Variants in MEGF9 observed in about 807,000 individuals in gnomAD.
MEGF9 encodes the protein multiple EGF like domains 9.
MEGF9 carries 6 observed loss-of-function variants against 46.8 expected under a neutral mutation model. That is an observed-to-expected ratio of 0.13 (90% CI 0.07 to 0.25). MEGF9 has a LOEUF of 0.25. MEGF9 is among the 10% of genes least tolerant of loss of function. MEGF9 has a pLI of 1.00. For synonymous variants in MEGF9, 302 were observed against 330.7 expected, an observed-to-expected ratio of 0.91 and a Z score of 0.94; for missense variants, 683 against 792.4, an observed-to-expected ratio of 0.86 and a Z score of 1.66.
At chr9:120,632,622 T>C (rs183820043) in intron 2 of MEGF9, among the ~76,000 whole-genome samples, 2 of 152,308 alleles carry the variant, frequency 1.3e-5, no homozygotes, top group Admixed American at 1.3e-4. Flanking sequence ...CTAGCACTTC[T>C]GGTATTATGT....
intron 2 of MEGF9, among the ~76,000 whole-genome samples, chr9:120,634,547 T>TG (rs1192025642): frequency 1.6e-5 from 2 of 124,230 alleles, no homozygotes; most frequent in African/African-American, 4.2e-5. Context: ...CTCCGCCCCC[T>TG]GGGGTTCACG....
chr9:120,676,023 T>C (rs1383076184), intron 1 of MEGF9, among the ~76,000 whole-genome samples: 4 of 152,186 alleles, frequency 2.6e-5, no homozygotes, highest in South Asian at 2.1e-4. Flanking sequence ...TAGTTACTAA[T>C]GTTTCCACCT....
intron 2 of MEGF9, among the ~76,000 whole-genome samples, chr9:120,627,769 T>C (rs1279826260): frequency 1.3e-5 from 2 of 152,274 alleles, no homozygotes; most frequent in Middle Eastern, 3.4e-3. Context: ...AGCCCATAGT[T>C]CTAATTAGAG....
chr9:120,653,404 C>T (rs2043662584), intron 2 of MEGF9, among the ~76,000 whole-genome samples: 1 of 150,234 alleles, frequency 6.7e-6, no homozygotes, highest in African/African-American at 2.4e-5. Flanking sequence ...CAGGGTCTCA[C>T]TCTGTTGCCC....
intron 2 of MEGF9, among the ~76,000 whole-genome samples, chr9:120,636,475 G>C (rs2043574907): frequency 6.6e-6 from 1 of 152,158 alleles, no homozygotes. Context: ...TACTCAAAAA[G>C]AGTACTGCTT....
intron 1 of MEGF9, among the ~76,000 whole-genome samples, chr9:120,701,493 G>A (rs547466870): frequency 6.6e-6 from 1 of 152,184 alleles, no homozygotes; most frequent in Admixed American, 6.5e-5. Flanking sequence ...TTCCCTTAAT[G>A]CTTAGCTGTC....
chr9:120,653,881 G>C (rs2043664749), intron 2 of MEGF9, among the ~76,000 whole-genome samples: 1 of 152,200 alleles, frequency 6.6e-6, no homozygotes, highest in African/African-American at 2.4e-5. Context: ...CTCATCTATA[G>C]ATACTGCAAT....
chr9:120,660,464 T>G (rs2043697057), intron 1 of MEGF9, among the ~76,000 whole-genome samples: 1 of 152,336 alleles, frequency 6.6e-6, no homozygotes, highest in Non-Finnish European at 1.5e-5. Flanking sequence ...CATAAATTAC[T>G]AAATTATTGA....
chr9:120,711,840 T>TACACAC (rs146669450), intron 1 of MEGF9, among the ~76,000 whole-genome samples: 9,149 of 139,012 alleles, frequency 0.066, 315 homozygotes, highest in Non-Finnish European at 0.079. Context: ...TATACATACA[T>TACACAC]ACATACACAC....
At chr9:120,712,055 A>AAGCCTGGGCAATAT in intron 1 of MEGF9, among the ~76,000 whole-genome samples, 1 of 152,282 alleles carries the variant, frequency 6.6e-6, no homozygotes, top group South Asian at 2.1e-4. Flanking sequence ...TCAGGAACTC[A>AAGCCTGGGCAATAT]AGACTAGCCT....
chr9:120,671,250 T>A (rs2043747532), intron 1 of MEGF9, among the ~76,000 whole-genome samples: 1 of 152,108 alleles, frequency 6.6e-6, no homozygotes, highest in African/African-American at 2.4e-5. Flanking sequence ...TCATTTTGGT[T>A]CCCAATGAAT....
At chr9:120,694,282 C>T (rs888170261) in intron 1 of MEGF9, among the ~76,000 whole-genome samples, 4 of 152,182 alleles carry the variant, frequency 2.6e-5, no homozygotes, top group Non-Finnish European at 5.9e-5. Context: ...GACCTTTGGG[C>T]AAACAACTTA....
chr9:120,607,762 C>T lies in MEGF9; in HGVS notation c.1336G>A (p.Glu446Lys), dbSNP rs1047202800. ...TTACCTTTCTTGATGCAATTTCCCTCGAGGTCGTGAACATAACCTTCTAGG... is the reference window on the plus strand; with the variant it reads ...TTACCTTTCTTGATGCAATTTCCCTTGAGGTCGTGAACATAACCTTCTAGG... ...NCLEGYVHDL[E>K]GNCIKKEVIL... Residue 446 changes from glutamate to lysine, a missense_variant, in exon 5 of 6, where the codon GAG becomes AAG. By Grantham distance (56) the Glu-to-Lys change is moderately conservative. Transcript: ENST00000373930. The T allele has an allele frequency of 1.4e-5, 22 of 1,609,666 alleles. No homozygotes were observed. The highest frequency in any genetic ancestry group is 1.6e-4 in the Middle Eastern group (1 of 6,072).
chr9:120,641,354 A>G (rs1305586812), intron 2 of MEGF9, among the ~76,000 whole-genome samples: 1 of 152,226 alleles, frequency 6.6e-6, no homozygotes, highest in Non-Finnish European at 1.5e-5. Flanking sequence ...AAAAAGTCCT[A>G]GCCCTCAAAG....
chr9:120,633,474 G>A (rs79192360), intron 2 of MEGF9, among the ~76,000 whole-genome samples: 2,998 of 151,872 alleles, frequency 0.02, 112 homozygotes, highest in African/African-American at 0.07. Context: ...TATTTCTTTA[G>A]GTTTTTTCTC....
intron 2 of MEGF9, among the ~76,000 whole-genome samples, chr9:120,643,202 T>C (rs1345013465): frequency 6.6e-6 from 1 of 151,670 alleles, no homozygotes; most frequent in Admixed American, 6.6e-5. Flanking sequence ...ATCTCCATCC[T>C]CTAGGAAACA....
Position 120,714,421 on chromosome 9 carries a change from C to T in MEGF9, c.-63G>A, listed in dbSNP as rs970878031. Reference sequence around the variant, plus strand: ...GTTGCAATCCGACCAAGGAAGCCTCCGCAACCGCCGCCGCCACCGCCACCG... The same window carrying T: ...GTTGCAATCCGACCAAGGAAGCCTCTGCAACCGCCGCCGCCACCGCCACCG... On this transcript the variant is annotated 5_prime_UTR_variant, in exon 1 of 6. Transcript: ENST00000373930. 1 of 1,218,192 alleles carries T rather than the reference C, an allele frequency of 8.2e-7. No homozygotes were observed. Among genetic ancestry groups the T allele is most frequent in the South Asian group, 2.7e-5 (1 of 36,386 alleles). 75.5% of individuals were successfully genotyped at this position (1,218,192 alleles called of 1,614,324 possible). A position where few individuals can be genotyped will look rare whatever the true frequency, so the allele number is the denominator to read the frequency against.
chr9:120,624,611 T>C (rs547198684), intron 2 of MEGF9, among the ~76,000 whole-genome samples: 9 of 152,178 alleles, frequency 5.9e-5, no homozygotes, highest in Non-Finnish European at 8.8e-5. Flanking sequence ...CTCACACCTT[T>C]ATCCCAGCAC....
chr9:120,665,466 G>A (rs1355261736), intron 1 of MEGF9, among the ~76,000 whole-genome samples: 1 of 152,072 alleles, frequency 6.6e-6, no homozygotes, highest in African/African-American at 2.4e-5. Context: ...GCCTCCCAAA[G>A]TGCTGGGATT....
Sources: allele counts gnomAD v4.1 joint callset (sites outside exome capture counted in the v4.1 genomes callset), GRCh38; gene constraint gnomAD v4.1.1; transcripts MANE v1.5; gene names NCBI Gene and HGNC (gene_info 2026-07-23, HGNC 2026-07-21).